FXR1: variants seen among roughly 807,000 people sequenced by gnomAD.
The protein encoded by FXR1 is FMR1 autosomal homolog 1.
Under a neutral mutation model 84.0 loss-of-function variants are expected in FXR1, and 15 were observed. The ratio of observed to expected loss-of-function variants is 0.18; its 90% CI spans 0.12 to 0.27. The LOEUF (loss-of-function observed/expected upper bound fraction) is 0.27, where lower values mean the gene tolerates loss of function less well. FXR1 is among the 10% of genes least tolerant of loss of function. The pLI is 1.00. For missense variants in FXR1, 480 were observed against 774.4 expected (o/e 0.62, Z 4.51); for synonymous variants, 245 against 250.7 (o/e 0.98, Z 0.21).
At chr3:180,941,340 G>C (rs935759886) in intron 3 of FXR1, among the ~76,000 whole-genome samples, 3 of 151,964 alleles carry the variant, frequency 2.0e-5, no homozygotes, top group African/African-American at 7.3e-5. Context: ...TCATAGGCGT[G>C]TGCTACCATG....
intron 15 of FXR1, among the ~76,000 whole-genome samples, chr3:180,973,032 A>G (rs531956282): frequency 2.6e-5 from 4 of 152,360 alleles, no homozygotes; most frequent in Admixed American, 6.5e-5. Context: ...AGAATGTGAC[A>G]ATACACACTG....
intron 1 of FXR1, among the ~76,000 whole-genome samples, chr3:180,926,504 ATATT>A (rs1164999210): frequency 3.7e-4 from 35 of 95,308 alleles, no homozygotes; most frequent in African/African-American, 1.1e-3. Flanking sequence ...ATATATATAT[ATATT>A]TTTTTTTCTG....
At chr3:180,965,006 C>T (rs545330306) in intron 13 of FXR1, among the ~76,000 whole-genome samples, 1 of 151,580 alleles carries the variant, frequency 6.6e-6, no homozygotes, top group Admixed American at 6.6e-5. Context: ...AACACGATGT[C>T]ATTATGTTTT....
chr3:180,952,670 A>G (rs866608125), intron 8 of FXR1, among the ~76,000 whole-genome samples: 4 of 152,080 alleles, frequency 2.6e-5, no homozygotes. Flanking sequence ...TGTTACTTGT[A>G]TAAGTGTTCT....
chr3:180,940,263 A>G (rs768882952), intron 3 of FXR1, among the ~76,000 whole-genome samples: 2 of 152,240 alleles, frequency 1.3e-5, no homozygotes, highest in African/African-American at 4.8e-5. Context: ...TAAATATTTC[A>G]TAAGTATTTG....
At position 180,955,237 on chromosome 3, in the gene FXR1, G is replaced by A. The variant is rs574864140; in HGVS notation, c.880+1397G>A. ...CTTGAACTCCTGCTCCTGATCTTGT[G>A]ATCCGCCCACCTCGGCCTCCCAAAG... On this transcript the variant is annotated intron_variant, in intron 9 of 16. Coordinates refer to ENST00000357559, the MANE Select transcript of FXR1 (RefSeq NM_005087.4). Among the ~76,000 whole-genome samples the A allele has an allele frequency of 2.4e-3, 371 of 152,066 alleles. 3 individuals are homozygous for A. Among genetic ancestry groups the A allele is most frequent in the African/African-American group, 8.7e-3 (362 of 41,480 alleles).
chr3:180,934,984 A>T (rs1576924034), intron 2 of FXR1, among the ~76,000 whole-genome samples, 154 bp from the exon 3 acceptor site: 1 of 152,222 alleles, frequency 6.6e-6, no homozygotes, highest in East Asian at 1.9e-4. Context: ...GTTCTACTTC[A>T]GTAACTAATT....
chr3:180,944,061 C>T (rs1576945624), intron 3 of FXR1, among the ~76,000 whole-genome samples: 1 of 152,110 alleles, frequency 6.6e-6, no homozygotes, highest in South Asian at 2.1e-4. Context: ...GGATTACAGG[C>T]ATGCACCACC....
At chr3:180,931,742 T>TG (rs1400560056) in intron 1 of FXR1, among the ~76,000 whole-genome samples, 7 of 142,678 alleles carry the variant, frequency 4.9e-5, no homozygotes, top group Admixed American at 4.9e-4. Context: ...GTTGTGGGTT[T>TG]TTTTTTTTTT....
At chr3:180,932,089 A>AAAAAAAAG (rs930913742) in intron 1 of FXR1, among the ~76,000 whole-genome samples, 2 of 150,570 alleles carry the variant, frequency 1.3e-5, no homozygotes, top group African/African-American at 4.9e-5. Context: ...AAAAAAAAAA[A>AAAAAAAAG]ACAACTTTTT....
intron 1 of FXR1, among the ~76,000 whole-genome samples, chr3:180,920,350 A>C (rs1227571616): frequency 1.3e-5 from 2 of 152,092 alleles, no homozygotes; most frequent in Non-Finnish European, 2.9e-5. Context: ...GTAACTGCTA[A>C]CTTCATCATT....
chr3:180,956,739 G>C (rs1478345548), intron 9 of FXR1, among the ~76,000 whole-genome samples: 2 of 151,586 alleles, frequency 1.3e-5, no homozygotes, highest in Non-Finnish European at 2.9e-5. Flanking sequence ...TTTAAATTTA[G>C]GCTTATTAAT....
At chr3:180,965,325 C>T (rs1712684731) in intron 13 of FXR1, among the ~76,000 whole-genome samples, 1 of 151,410 alleles carries the variant, frequency 6.6e-6, no homozygotes, top group African/African-American at 2.4e-5. Flanking sequence ...AGTGTCATTA[C>T]TTTTAAAGCT....
chr3:180,975,232 A>G (rs1714081967), intron 15 of FXR1, 81 bp from the exon 16 acceptor site: 5 of 556,190 alleles, frequency 9.0e-6, no homozygotes, highest in South Asian at 8.5e-5. Context: ...CACTAGTTTA[A>G]TAGTGAAATT....
At chr3:180,944,474 A>G (rs1353181594) in intron 3 of FXR1, among the ~76,000 whole-genome samples, 3 of 151,348 alleles carry the variant, frequency 2.0e-5, no homozygotes, top group Admixed American at 2.0e-4. Flanking sequence ...GCATGCACCA[A>G]CCACACCTGG....
At chr3:180,946,920 A>C (rs1025979495) in intron 3 of FXR1, among the ~76,000 whole-genome samples, 1 of 152,196 alleles carries the variant, frequency 6.6e-6, no homozygotes, top group Non-Finnish European at 1.5e-5. Flanking sequence ...CTGAAAATAT[A>C]ATACGTTAAA....
At chr3:180,968,298 G>A (rs775830815) in intron 14 of FXR1, 44 bp downstream of exon 14, 49 of 1,352,306 alleles carry the variant, frequency 3.6e-5, no homozygotes, top group Non-Finnish European at 5.1e-5. Context: ...TTTGTAAACA[G>A]TTTAATTTTA....
intron 3 of FXR1, among the ~76,000 whole-genome samples, chr3:180,943,133 A>G (rs371440305): frequency 6.0e-5 from 9 of 151,188 alleles, no homozygotes; most frequent in African/African-American, 2.2e-4. Context: ...TGCCCGGCTA[A>G]TTTTCGTATT....
chr3:180,945,278 AT>A (rs1721579819), intron 3 of FXR1, among the ~76,000 whole-genome samples: 4 of 152,258 alleles, frequency 2.6e-5, no homozygotes, highest in South Asian at 4.1e-4. Flanking sequence ...TCTATTGAAT[AT>A]TTTTGCATTT....
Sources: gnomAD v4.1 joint callset for allele counts (sites outside exome capture counted in the v4.1 genomes callset) on GRCh38, gnomAD v4.1.1 for gene constraint, MANE v1.5 for transcripts, NCBI Gene and HGNC (gene_info 2026-07-23, HGNC 2026-07-21) for gene names.